The following PCSK2 variants were observed in gnomAD, a reference collection of about 807,000 sequenced individuals.
The protein encoded by PCSK2 is neuroendocrine convertase 2.
A neutral mutation model predicts 69.7 loss-of-function variants in PCSK2; 14 were observed. The observed-to-expected ratio is 0.20, with a 90% CI of 0.13 to 0.31. PCSK2 has a LOEUF of 0.31. Among genes scored for constraint, PCSK2 ranks in the 10% least tolerant of loss-of-function variants. The probability of loss-of-function intolerance (pLI) is 1.00; values close to 1 mark genes in which losing one functional copy is unlikely to be tolerated. For missense variants in PCSK2, 544 were observed against 842.5 expected (o/e 0.65, Z 4.39); for synonymous variants, 307 against 320.7 (o/e 0.96, Z 0.46).
chr20:17,239,738 C>G (rs1986487064), intron 1 of PCSK2, among the ~76,000 whole-genome samples: 1 of 150,476 alleles, frequency 6.6e-6, no homozygotes, highest in Admixed American at 6.6e-5. Context: ...ATGCAACACA[C>G]TAAGACATGG....
intron 1 of PCSK2, among the ~76,000 whole-genome samples, chr20:17,245,894 C>A (rs1226149471): frequency 6.6e-6 from 1 of 152,150 alleles, no homozygotes; most frequent in Admixed American, 6.5e-5. Context: ...TTTCTATTGT[C>A]TTTTACCTGA....
chr20:17,448,635 C>G (rs2032744016), intron 8 of PCSK2, among the ~76,000 whole-genome samples: 1 of 151,868 alleles, frequency 6.6e-6, no homozygotes, highest in South Asian at 2.1e-4. Flanking sequence ...TAGTAGTCTC[C>G]CTGGCCTTTA....
At chr20:17,281,611 T>A (rs1437044875) in intron 2 of PCSK2, among the ~76,000 whole-genome samples, 1 of 152,218 alleles carries the variant, frequency 6.6e-6, no homozygotes, top group Admixed American at 6.5e-5. Flanking sequence ...CCACTTAACT[T>A]GGCTGGTATG....
At chr20:17,229,582 G>A (rs969896544) in intron 1 of PCSK2, among the ~76,000 whole-genome samples, 3 of 151,730 alleles carry the variant, frequency 2.0e-5, no homozygotes, top group Non-Finnish European at 4.4e-5. Flanking sequence ...TCTTGGAGAG[G>A]AGCACACTGA....
intron 2 of PCSK2, among the ~76,000 whole-genome samples, chr20:17,276,240 C>T (rs772436127): frequency 1.3e-5 from 2 of 152,038 alleles, no homozygotes; most frequent in African/African-American, 2.4e-5. Context: ...CAAATGCAAG[C>T]CTTATAATTA....
rs771313280 is a variant in PCSK2, at chr20:17,481,947, G to A, written c.1794G>A (p.Pro598=). The A allele has an allele frequency of 3.7e-6, 6 of 1,613,350 alleles. No individual in the cohort carries two copies. The East Asian group carries it at 6.7e-5, about 18-fold the overall frequency. ...TGCTGCATGGCACTCAGAGTGCCCCGTACATCGACCAGGTGGTGCGGGATT... is the reference window on the plus strand; with the variant it reads ...TGCTGCATGGCACTCAGAGTGCCCCATACATCGACCAGGTGGTGCGGGATT... ...TLMLHGTQSA[P]YIDQVVRDYQ... Residue 598 remains proline, a synonymous_variant, in exon 12 of 12, where the codon CCG becomes CCA. Coordinates refer to ENST00000262545, the MANE Select transcript of PCSK2 (RefSeq NM_002594.5).
At chr20:17,256,382 G>T (rs562996831) in intron 1 of PCSK2, among the ~76,000 whole-genome samples, 1 of 152,096 alleles carries the variant, frequency 6.6e-6, no homozygotes, top group South Asian at 2.1e-4. Flanking sequence ...TCTTTGTCTA[G>T]TAAGTCCAAC....
chr20:17,479,404 C>G, intron 11 of PCSK2: 2 of 650,914 alleles, frequency 3.1e-6, no homozygotes, highest in Non-Finnish European at 5.8e-6. Context: ...AGGCCAACCT[C>G]GTCGCAGTGG....
intron 2 of PCSK2, among the ~76,000 whole-genome samples, chr20:17,271,375 G>A (rs918115741): frequency 1.3e-5 from 2 of 151,950 alleles, no homozygotes; most frequent in African/African-American, 4.8e-5. Context: ...GGGTGTGAAG[G>A]AGTGGGGGTC....
intron 1 of PCSK2, among the ~76,000 whole-genome samples, chr20:17,242,412 C>A (rs932478983): frequency 6.6e-6 from 1 of 152,194 alleles, no homozygotes; most frequent in Admixed American, 6.5e-5. Flanking sequence ...GAAGATGAGG[C>A]ACATTGAAAG....
In PCSK2 at chr20:17,227,158, C is replaced by A; in HGVS notation, c.-148C>A. On this transcript the variant is annotated 5_prime_UTR_variant, in exon 1 of 12. Coordinates refer to ENST00000262545, the MANE Select transcript of PCSK2 (RefSeq NM_002594.5). ...CTGGAGAACACACACTGATTCGCTG[C>A]TTTCCAAGACCCTGTTCAGTCTCTT... The A allele has an allele frequency of 1.7e-6, 1 of 604,156 alleles. No homozygotes were observed. The highest frequency in any genetic ancestry group is 2.2e-5 in the South Asian group (1 of 46,306). 37.4% of individuals were successfully genotyped at this position (604,156 alleles called of 1,614,324 possible). A position where few individuals can be genotyped will look rare whatever the true frequency, so the allele number is the denominator to read the frequency against.
intron 2 of PCSK2, among the ~76,000 whole-genome samples, chr20:17,310,944 GT>G: frequency 6.7e-6 from 1 of 148,654 alleles, no homozygotes; most frequent in Admixed American, 6.8e-5. Context: ...AGAGGTTGTC[GT>G]GAGCCAAGAT....
At chr20:17,366,263 G>A (rs563692401) in intron 4 of PCSK2, among the ~76,000 whole-genome samples, 1 of 152,294 alleles carries the variant, frequency 6.6e-6, no homozygotes, top group South Asian at 2.1e-4. Flanking sequence ...CCTGAGAATT[G>A]GGACTATTGT....
intron 2 of PCSK2, among the ~76,000 whole-genome samples, chr20:17,272,876 GGC>G (rs1345542267): frequency 3.3e-5 from 5 of 152,004 alleles, no homozygotes; most frequent in African/African-American, 1.2e-4. Context: ...GTGTGTATAT[GGC>G]TCTCTGAGAA....
chr20:17,389,869 A>G (rs2123268897), intron 5 of PCSK2, among the ~76,000 whole-genome samples: 1 of 152,324 alleles, frequency 6.6e-6, no homozygotes, highest in East Asian at 1.9e-4. Context: ...GTTTCTTGTA[A>G]TGTTAAACAC....
At chr20:17,463,355 G>A (rs1324518211) in intron 10 of PCSK2, 1 of 152,078 alleles carries the variant, frequency 6.6e-6, no homozygotes, top group Non-Finnish European at 1.5e-5. Flanking sequence ...TCAGTTTTTA[G>A]CCATAATCAA....
chr20:17,328,977 A>G (rs1276842412), intron 2 of PCSK2, among the ~76,000 whole-genome samples: 1 of 152,146 alleles, frequency 6.6e-6, no homozygotes, highest in African/African-American at 2.4e-5. Context: ...TGGCTTGATG[A>G]ATTAGAGTTC....
intron 2 of PCSK2, among the ~76,000 whole-genome samples, chr20:17,303,924 G>A (rs1360734627): frequency 1.4e-5 from 2 of 146,302 alleles, no homozygotes; most frequent in Non-Finnish European, 3.0e-5. Flanking sequence ...ATGACTATAT[G>A]TATTGGAGGT....
intron 2 of PCSK2, among the ~76,000 whole-genome samples, chr20:17,304,392 G>A (rs960412823): frequency 6.6e-6 from 1 of 152,134 alleles, no homozygotes; most frequent in African/African-American, 2.4e-5. Flanking sequence ...TTTGAGTTGG[G>A]GAGATGGAAT....
Sources: allele counts gnomAD v4.1 joint callset (sites outside exome capture counted in the v4.1 genomes callset), GRCh38; gene constraint gnomAD v4.1.1; transcripts MANE v1.5; gene names NCBI Gene and HGNC (gene_info 2026-07-23, HGNC 2026-07-21).